Variants in CACNA1E observed in about 807,000 individuals in gnomAD.
CACNA1E encodes the protein calcium voltage-gated channel subunit alpha1 E.
CACNA1E carries 40 observed loss-of-function variants against 259.2 expected under a neutral mutation model. The observed-to-expected ratio is 0.15, with a 90% CI of 0.12 to 0.20. The LOEUF is 0.20. Ranked by LOEUF, CACNA1E falls within the 10% of genes least tolerant of loss-of-function variation. The probability of loss-of-function intolerance (pLI) is 1.00; values close to 1 mark genes in which losing one functional copy is unlikely to be tolerated. For missense variants in CACNA1E, 1,874 were observed against 3,040.1 expected (o/e 0.62, Z 9.02); for synonymous variants, 1,104 against 1,138.5 (o/e 0.97, Z 0.61).
At chr1:181,674,223 CA>C (rs58198967) in intron 7 of CACNA1E, among the ~76,000 whole-genome samples, 32,992 of 88,430 alleles carry the variant, frequency 0.37, 4,444 homozygotes, top group South Asian at 0.51. Flanking sequence ...ACTAAAAATA[CA>C]AAAAAAAAAA....
intron 7 of CACNA1E, among the ~76,000 whole-genome samples, chr1:181,706,486 A>G (rs767212990): frequency 7.9e-5 from 12 of 152,220 alleles, no homozygotes; most frequent in Admixed American, 2.6e-4. Flanking sequence ...CAATATGTGT[A>G]TGAATAAATG....
Position 181,745,310 on chromosome 1 carries a change from AT to A in CACNA1E, c.3720-5165del, listed in dbSNP as rs754790916. 1.9e-5 allele frequency: 9 copies of A among 468,754 alleles called. No individual in the cohort carries two copies. In the Admixed American group the frequency reaches 2.0e-4, roughly 10 times the overall value. The allele number at this position is 468,754 out of a possible 1,614,324, so 29.0% of individuals were successfully genotyped here. On this transcript the variant is annotated intron_variant, in intron 25 of 47. Coordinates refer to ENST00000367573, the MANE Select transcript of CACNA1E (RefSeq NM_001205293.3). ...TTGAGACCTTTATCTTATGGAGGCAATGGGTGTGAACACCCAAGTATTTTTT... is the reference window on the plus strand; with the variant it reads ...TTGAGACCTTTATCTTATGGAGGCAAGGGTGTGAACACCCAAGTATTTTTT...
chr1:181,358,157 C>T (rs1435016638), intron 1 of CACNA1E, among the ~76,000 whole-genome samples: 3 of 152,178 alleles, frequency 2.0e-5, no homozygotes, highest in Admixed American at 6.5e-5. Context: ...ACAGCTAGCT[C>T]TCTACGTGGA....
Position 181,755,936 on chromosome 1 carries a change from C to G in CACNA1E, c.3990-20C>G. 1 of 1,609,322 alleles carries G rather than the reference C, an allele frequency of 6.2e-7. No individual in the cohort carries two copies. On this transcript the variant is annotated intron_variant, in intron 28 of 47. Transcript: ENST00000367573. ...GAGCTATAGTGAGGAGGCTCTCTTT[C>G]ATTTCTGCTCTGGTTTTAGAGGCAA...
At chr1:181,348,849 G>T (rs1652815829) in intron 1 of CACNA1E, among the ~76,000 whole-genome samples, 2 of 152,180 alleles carry the variant, frequency 1.3e-5, no homozygotes, top group South Asian at 2.1e-4. Flanking sequence ...GCAGCAGTGA[G>T]TTCTCATATC....
At chr1:181,350,570 G>A (rs1225352292) in intron 1 of CACNA1E, among the ~76,000 whole-genome samples, 3 of 152,148 alleles carry the variant, frequency 2.0e-5, no homozygotes, top group African/African-American at 7.2e-5. Context: ...CTGAGACAAC[G>A]TTAGACGGAA....
In CACNA1E at chr1:181,724,451, C is replaced by G; in HGVS notation, c.2075-19C>G. Reference sequence around the variant, plus strand: ...ACTTTTGCTTTTCTTATTTGCCCATCCTTAATTCATCACCCCAGACACGCT... The same window carrying G: ...ACTTTTGCTTTTCTTATTTGCCCATGCTTAATTCATCACCCCAGACACGCT... On this transcript the variant is annotated intron_variant, in intron 16 of 47. Coordinates refer to ENST00000367573, the MANE Select transcript of CACNA1E (RefSeq NM_001205293.3). 1 of 1,608,992 alleles carries G rather than the reference C, an allele frequency of 6.2e-7. No individual in the cohort carries two copies.
intron 2 of CACNA1E, among the ~76,000 whole-genome samples, chr1:181,427,375 T>G (rs929895492): frequency 8.2e-6 from 1 of 122,138 alleles, no homozygotes; most frequent in Non-Finnish European, 1.7e-5. Context: ...CTCCCCCATC[T>G]TAACCCCTCC....
intron 1 of CACNA1E, among the ~76,000 whole-genome samples, chr1:181,403,488 G>A (rs667586): frequency 0.54 from 81,508 of 151,226 alleles, 23,496 homozygotes; most frequent in African/African-American, 0.75. Flanking sequence ...GTTTAGATTG[G>A]GTCATTTTTC....
chr1:181,709,037 T>C lies in CACNA1E; in HGVS notation c.1056-1917T>C, dbSNP rs561658864. Among the ~76,000 whole-genome samples, 211 of 152,172 alleles carry C rather than the reference T, an allele frequency of 1.4e-3. 2 individuals are homozygous for C. The highest frequency in any genetic ancestry group is 5.0e-3 in the African/African-American group (208 of 41,494). ...GGAAGGATGAGATCATGGATCAAGA[T>C]AGTGAGGATGGAGAGGCAGGGTGAA... On this transcript the variant is annotated intron_variant, in intron 7 of 47. Transcript: ENST00000367573.
intron 3 of CACNA1E, among the ~76,000 whole-genome samples, chr1:181,537,162 C>T (rs1220146304): frequency 4.2e-5 from 6 of 143,304 alleles, no homozygotes; most frequent in South Asian, 2.2e-4. Context: ...TGCAGTGGCA[C>T]GATCTCGGCT....
chr1:181,685,332 A>G (rs1236663569), intron 7 of CACNA1E, among the ~76,000 whole-genome samples: 11 of 145,996 alleles, frequency 7.5e-5, no homozygotes, highest in Non-Finnish European at 1.6e-4. Flanking sequence ...CATATATATT[A>G]TACCTCTCAA....
chr1:181,733,796 A>G, intron 21 of CACNA1E, 46 bp downstream of exon 21: 1 of 1,380,256 alleles, frequency 7.2e-7, no homozygotes, highest in Non-Finnish European at 9.6e-7. Flanking sequence ...CTCCTATCCC[A>G]TCTGGGGCTG....
intron 1 of CACNA1E, among the ~76,000 whole-genome samples, chr1:181,372,824 A>ATTT (rs1457214737): frequency 7.7e-5 from 10 of 129,438 alleles, no homozygotes; most frequent in African/African-American, 3.2e-4. Flanking sequence ...ATATATATAT[A>ATTT]TATATTTTTT....
intron 7 of CACNA1E, among the ~76,000 whole-genome samples, chr1:181,664,143 C>T (rs887963155): frequency 2.6e-5 from 4 of 152,160 alleles, no homozygotes; most frequent in Non-Finnish European, 5.9e-5. Context: ...TCGAAGTGGG[C>T]AAGTGACATG....
intron 1 of CACNA1E, among the ~76,000 whole-genome samples, chr1:181,346,726 A>G (rs1652621463): frequency 6.6e-6 from 1 of 152,126 alleles, no homozygotes; most frequent in African/African-American, 2.4e-5. Context: ...CCCTTCATGC[A>G]AAGGGCTGGA....
At chr1:181,455,046 T>C (rs1661376088) in intron 2 of CACNA1E, among the ~76,000 whole-genome samples, 1 of 152,224 alleles carries the variant, frequency 6.6e-6, no homozygotes, top group African/African-American at 2.4e-5. Context: ...GGTGTGATTA[T>C]TTCATAAGGC....
At chr1:181,350,363 A>G (rs1652938471) in intron 1 of CACNA1E, among the ~76,000 whole-genome samples, 2 of 152,156 alleles carry the variant, frequency 1.3e-5, no homozygotes, top group East Asian at 1.9e-4. Flanking sequence ...CCCCAAGAAC[A>G]GGGCAAAAAG....
chr1:181,679,998 A>T lies in CACNA1E; in HGVS notation c.1055+28557A>T, dbSNP rs935420781. ...CATGGTGGTGTGTACCTATAGTCCT[A>T]GCTACTCGGGAGGCTGAGACAGGCA... On this transcript the variant is annotated intron_variant, in intron 7 of 47. Transcript: ENST00000367573. Among the ~76,000 whole-genome samples, 3 of 150,430 alleles carry T rather than the reference A, an allele frequency of 2.0e-5. No individual in the cohort carries two copies. The Admixed American group carries it at 2.0e-4, about 10-fold the overall frequency.
Sources: allele counts gnomAD v4.1 joint callset (sites outside exome capture counted in the v4.1 genomes callset), GRCh38; gene constraint gnomAD v4.1.1; transcripts MANE v1.5; gene names NCBI Gene and HGNC (gene_info 2026-07-23, HGNC 2026-07-21).